LGSN: variants seen among roughly 807,000 people sequenced by gnomAD.
LGSN encodes the protein lengsin, lens protein with glutamine synthetase domain.
Under a neutral mutation model 19.5 loss-of-function variants are expected in LGSN, and 21 were observed. That is an observed-to-expected ratio of 1.07 (90% CI 0.76 to 1.55). The LOEUF is 1.55. Among genes scored for constraint, LGSN ranks in the 40% most tolerant of loss-of-function variants. LGSN has a pLI of 0.00. For missense variants in LGSN, 673 were observed against 608.5 expected, an observed-to-expected ratio of 1.11 and a Z score of -1.12; for synonymous variants, 257 against 215.6, an observed-to-expected ratio of 1.19 and a Z score of -1.68.
chr6:63,544,948 A>G, the LGSN span, among the ~76,000 whole-genome samples: 2,101 of 152,262 alleles, frequency 0.014, 47 homozygotes, highest in African/African-American at 0.048. Context: ...TATAAATACC[A>G]TATTGCATAT....
chr6:63,357,750 A>G, the LGSN span, among the ~76,000 whole-genome samples: 1 of 152,200 alleles, frequency 6.6e-6, no homozygotes, highest in Non-Finnish European at 1.5e-5. Flanking sequence ...TCAGATAAGT[A>G]GGTTGCGAAA....
chr6:63,552,220 G>A, the LGSN span, among the ~76,000 whole-genome samples: 4 of 151,624 alleles, frequency 2.6e-5, no homozygotes, highest in Non-Finnish European at 5.9e-5. Context: ...TCAATGATTG[G>A]CATTCTAACT....
the LGSN span, among the ~76,000 whole-genome samples, chr6:63,375,423 A>G: frequency 2.6e-5 from 4 of 151,268 alleles, no homozygotes; most frequent in East Asian, 7.7e-4. Flanking sequence ...ATTATTATAT[A>G]GCAATTATGA....
chr6:63,396,506 G>A, the LGSN span: 3 of 158,296 alleles, frequency 1.9e-5, no homozygotes, highest in East Asian at 1.9e-4. Flanking sequence ...GCAGCCTCAG[G>A]TATTTGCCTG....
chr6:63,407,957 G>T, the LGSN span, among the ~76,000 whole-genome samples: 2 of 152,082 alleles, frequency 1.3e-5, no homozygotes, highest in Non-Finnish European at 2.9e-5. Context: ...AAATACCTAG[G>T]AATCCAACTT....
At chr6:63,455,038 C>A in the LGSN span, among the ~76,000 whole-genome samples, 1 of 151,964 alleles carries the variant, frequency 6.6e-6, no homozygotes, top group Non-Finnish European at 1.5e-5. Context: ...GGTGATCCAG[C>A]CACCTTGGCC....
At chr6:63,448,254 A>T in the LGSN span, among the ~76,000 whole-genome samples, 1 of 152,222 alleles carries the variant, frequency 6.6e-6, no homozygotes, top group African/African-American at 2.4e-5. Flanking sequence ...AAAATATAAA[A>T]CAAAAAAGGC....
chr6:63,283,763 C>G (rs1013513797), intron 3 of LGSN, among the ~76,000 whole-genome samples: 8 of 151,928 alleles, frequency 5.3e-5, no homozygotes, highest in Non-Finnish European at 4.4e-5. Flanking sequence ...TGCAATGGCG[C>G]GATCTCGGCT....
chr6:63,465,463 T>C, the LGSN span, among the ~76,000 whole-genome samples: 2 of 145,476 alleles, frequency 1.4e-5, no homozygotes, highest in East Asian at 3.9e-4. Context: ...ATTACAGGCA[T>C]GAGCCACCAT....
the LGSN span, among the ~76,000 whole-genome samples, chr6:63,506,204 T>G: frequency 6.6e-6 from 1 of 151,968 alleles, no homozygotes; most frequent in East Asian, 1.9e-4. Context: ...CATATTGATT[T>G]TTCTCATGGA....
At chr6:63,402,809 T>G in the LGSN span, among the ~76,000 whole-genome samples, 5 of 151,984 alleles carry the variant, frequency 3.3e-5, no homozygotes, top group East Asian at 9.7e-4. Flanking sequence ...TAAGATGAGA[T>G]TAACATTTAA....
chr6:63,568,668 AAAC>A, the LGSN span, among the ~76,000 whole-genome samples: 1 of 152,208 alleles, frequency 6.6e-6, no homozygotes, highest in Non-Finnish European at 1.5e-5. Context: ...TAAAAAAAAA[AAAC>A]AATATTTGCA....
the LGSN span, among the ~76,000 whole-genome samples, chr6:63,529,712 G>A: frequency 2.0e-5 from 3 of 152,130 alleles, no homozygotes; most frequent in African/African-American, 7.2e-5. Context: ...TGGAGGAAAA[G>A]GTTATGCATT....
chr6:63,334,817 G>A, the LGSN span, among the ~76,000 whole-genome samples: 5 of 151,932 alleles, frequency 3.3e-5, no homozygotes, highest in Non-Finnish European at 7.4e-5. Context: ...ATACTTAACG[G>A]CCAGCTGATC....
chr6:63,416,893 T>C, the LGSN span, among the ~76,000 whole-genome samples: 2 of 149,156 alleles, frequency 1.3e-5, no homozygotes, highest in African/African-American at 2.5e-5. Context: ...AAGAAATATA[T>C]ATATACACTT....
At chr6:63,542,328 A>G in the LGSN span, among the ~76,000 whole-genome samples, 2 of 151,982 alleles carry the variant, frequency 1.3e-5, no homozygotes, top group Non-Finnish European at 2.9e-5. Context: ...TGCAGTGTAT[A>G]CTGCTCGGGT....
the LGSN span, among the ~76,000 whole-genome samples, chr6:63,512,995 A>G: frequency 6.6e-6 from 1 of 152,220 alleles, no homozygotes; most frequent in Non-Finnish European, 1.5e-5. Flanking sequence ...AGAATAGGAA[A>G]TTAAAAGTGG....
chr6:63,557,554 A>G, the LGSN span, among the ~76,000 whole-genome samples: 1 of 152,198 alleles, frequency 6.6e-6, no homozygotes, highest in Non-Finnish European at 1.5e-5. Context: ...CTACAGAGTG[A>G]AACTCCATTT....
upstream of LGSN, among the ~76,000 whole-genome samples, chr6:63,320,759 C>A (rs961127775): frequency 6.6e-6 from 1 of 152,184 alleles, no homozygotes; most frequent in East Asian, 1.9e-4. Flanking sequence ...AAACCAAATT[C>A]TCTCTAAGCA....
Sources: gnomAD v4.1 joint callset for allele counts (sites outside exome capture counted in the v4.1 genomes callset) on GRCh38, gnomAD v4.1.1 for gene constraint, MANE v1.5 for transcripts, NCBI Gene and HGNC (gene_info 2026-07-23, HGNC 2026-07-21) for gene names.